Variants in KPNA7 observed in about 807,000 individuals in gnomAD.
KPNA7 encodes the protein importin subunit alpha-8.
In KPNA7, 54 loss-of-function variants were observed where a neutral mutation model predicts 53.7. The observed-to-expected ratio is 1.01, with a 90% CI of 0.81 to 1.26. The LOEUF (loss-of-function observed/expected upper bound fraction) is 1.26, where lower values mean the gene tolerates loss of function less well. Among genes scored for constraint, KPNA7 ranks in the 50% most tolerant of loss-of-function variants. The pLI is 0.00. For missense variants in KPNA7, 640 were observed against 644.5 expected (o/e 0.99, Z 0.07); for synonymous variants, 276 against 259.3 (o/e 1.06, Z -0.62).
chr7:99,180,311 G>A (rs1799112086), intron 9 of KPNA7, among the ~76,000 whole-genome samples: 2 of 152,230 alleles, frequency 1.3e-5, no homozygotes, highest in South Asian at 2.1e-4. Flanking sequence ...AGAACAGCCT[G>A]GGCAATATAG....
intron 3 of KPNA7, among the ~76,000 whole-genome samples, 168 bp downstream of exon 3, chr7:99,202,938 T>C (rs1790623545): frequency 6.6e-6 from 1 of 152,178 alleles, no homozygotes; most frequent in African/African-American, 2.4e-5. Context: ...TAATGGCCAT[T>C]AGCCTTTTGA....
At chr7:99,209,685 A>C (rs1223090990), upstream of KPNA7, among the ~76,000 whole-genome samples, 1 of 15,688 alleles carries the variant, frequency 6.4e-5, no homozygotes, top group African/African-American at 4.1e-4. Context: ...TCCAACTCAA[A>C]AAAAAAAAAA....
At chr7:99,189,672 A>G (rs35611495) in intron 6 of KPNA7, among the ~76,000 whole-genome samples, 13,880 of 152,064 alleles carry the variant, frequency 0.091, 683 homozygotes, top group South Asian at 0.15. Flanking sequence ...CCCAGGCTGC[A>G]GTGCAGTGCC....
chr7:99,195,373 G>A, intron 4 of KPNA7, 35 bp from the exon 5 acceptor site: 1 of 1,542,150 alleles, frequency 6.5e-7, no homozygotes, highest in Middle Eastern at 1.7e-4. Context: ...GGAGGGGGAG[G>A]TCAAGTGAGA....
chr7:99,196,657 T>C lies in KPNA7; in HGVS notation c.202-491A>G, dbSNP rs1389069601. ...CTTTGTGGCATTTTGACTTGCCCTA[T>C]TCCCACCCACCCTCAGCTCCATGGT... On this transcript the variant is annotated intron_variant, in intron 3 of 10. Coordinates refer to ENST00000327442, the MANE Select transcript of KPNA7 (RefSeq NM_001145715.3). 3.3e-5 allele frequency among the ~76,000 whole-genome samples: 5 copies of C among 152,048 alleles called. No homozygotes were observed. The East Asian group carries it at 5.8e-4, about 18-fold the overall frequency.
chr7:99,198,040 G>T (rs1790318256), intron 3 of KPNA7, among the ~76,000 whole-genome samples: 1 of 152,090 alleles, frequency 6.6e-6, no homozygotes, highest in Non-Finnish European at 1.5e-5. Context: ...ACTGTTGAAA[G>T]CCAAAACTAC....
chr7:99,206,274 C>T (rs1790809700), intron 2 of KPNA7, among the ~76,000 whole-genome samples: 1 of 152,146 alleles, frequency 6.6e-6, no homozygotes, highest in South Asian at 2.1e-4. Context: ...AGTTCTCCTG[C>T]TTCAGCCTCC....
At chr7:99,153,396 A>G in the KPNA7 span, among the ~76,000 whole-genome samples, 1 of 152,064 alleles carries the variant, frequency 6.6e-6, no homozygotes, top group East Asian at 1.9e-4. Context: ...CATCTCTACA[A>G]AGATACAAAA....
intron 5 of KPNA7, among the ~76,000 whole-genome samples, chr7:99,193,745 A>AT (rs1394230460): frequency 3.3e-5 from 5 of 151,538 alleles, no homozygotes; most frequent in Admixed American, 6.6e-5. Context: ...TGGTGCAATC[A>AT]TAGCTCACTG....
rs1297264764 is a variant in KPNA7, at chr7:99,181,943, G to A, written c.1257C>T (p.Leu419=). The stretch of plus-strand genomic sequence containing the variant: ...GAACAATTTTAACATCTGGGGCAGT[G>A]AGCAGATTCACCAGTGGCTCCAGGA... ...SGVLEPLVNL[L]TAPDVKIVLI... Residue 419 remains leucine (L), a synonymous_variant, in exon 9 of 11, where the codon CTC becomes CTT. Transcript: ENST00000327442. 6 of 1,551,496 alleles carry A rather than the reference G, an allele frequency of 3.9e-6. No individual in the cohort carries two copies. Among genetic ancestry groups the A allele is most frequent in the Non-Finnish European group, 5.2e-6 (6 of 1,146,780 alleles).
the KPNA7 span, among the ~76,000 whole-genome samples, chr7:99,164,654 A>G: frequency 6.6e-6 from 1 of 152,066 alleles, no homozygotes. Flanking sequence ...AAATTTCTCG[A>G]AAGAGTATGG....
At chr7:99,158,098 T>C in the KPNA7 span, among the ~76,000 whole-genome samples, 1 of 151,716 alleles carries the variant, frequency 6.6e-6, no homozygotes, top group African/African-American at 2.4e-5. Context: ...TTGCCCACGC[T>C]GGTCTGGTAC....
At chr7:99,203,372 G>T in intron 2 of KPNA7, 132 bp from the exon 3 acceptor site, 1 of 827,150 alleles carries the variant, frequency 1.2e-6, no homozygotes, top group Non-Finnish European at 1.9e-6. Context: ...AGATCACACA[G>T]TTAGTAAATC....
the KPNA7 span, among the ~76,000 whole-genome samples, chr7:99,153,024 TA>T: frequency 6.6e-6 from 1 of 152,224 alleles, no homozygotes; most frequent in Non-Finnish European, 1.5e-5. Flanking sequence ...CGGAATGGAA[TA>T]TTTTTATAAT....
At chr7:99,217,690 G>A (rs1469679744) in intron 1 of KPNA7, among the ~76,000 whole-genome samples, 2 of 131,776 alleles carry the variant, frequency 1.5e-5, no homozygotes, top group Non-Finnish European at 3.1e-5. Context: ...GAGTGTAGTG[G>A]TGCTATCTCG....
intron 6 of KPNA7, among the ~76,000 whole-genome samples, chr7:99,190,792 C>A (rs559639570): frequency 1.3e-5 from 2 of 151,810 alleles, no homozygotes; most frequent in Admixed American, 1.3e-4. Context: ...GGACTACAGA[C>A]ACGTGCCACC....
chr7:99,210,669 G>T (rs538047551), upstream of KPNA7, among the ~76,000 whole-genome samples: 3 of 152,098 alleles, frequency 2.0e-5, no homozygotes, highest in Non-Finnish European at 2.9e-5. Flanking sequence ...GCTTACTGCA[G>T]CCTCAACCTC....
intron 7 of KPNA7, among the ~76,000 whole-genome samples, 183 bp from the exon 8 acceptor site, chr7:99,185,345 T>TA (rs1563073340): frequency 2.0e-5 from 3 of 152,146 alleles, no homozygotes; most frequent in South Asian, 4.1e-4. Context: ...TTAATTTATT[T>TA]TTTATTTATT....
chr7:99,165,302 T>TAAAA, the KPNA7 span, among the ~76,000 whole-genome samples: 6 of 145,330 alleles, frequency 4.1e-5, no homozygotes, highest in African/African-American at 1.5e-4. Context: ...CTTGCCTTTT[T>TAAAA]AAAAAAAAAA....
Sources: gnomAD v4.1 joint callset for allele counts (sites outside exome capture counted in the v4.1 genomes callset) on GRCh38, gnomAD v4.1.1 for gene constraint, MANE v1.5 for transcripts, NCBI Gene and HGNC (gene_info 2026-07-23, HGNC 2026-07-21) for gene names.